PWWP2A: variants seen among roughly 807,000 people sequenced by gnomAD.
The protein encoded by PWWP2A is PWWP domain-containing protein 2A.
PWWP2A carries 18 observed loss-of-function variants against 48.5 expected under a neutral mutation model. That is an observed-to-expected ratio of 0.37 (90% CI 0.26 to 0.55). The LOEUF is 0.55. Ranked by LOEUF, PWWP2A falls within the 20% of genes least tolerant of loss-of-function variation. The pLI, the probability that PWWP2A is intolerant of heterozygous loss-of-function variation, is 0.81. For synonymous variants in PWWP2A, 396 were observed against 387.7 expected (o/e 1.02, Z -0.25); for missense variants, 867 against 976.4 (o/e 0.89, Z 1.49).
chr5:160,065,052 A>G, intron 4 of PWWP2A: 1 of 1,610,044 alleles, frequency 6.2e-7, no homozygotes, highest in Non-Finnish European at 8.5e-7. Context: ...CAAAATCCAA[A>G]TAATAACAGA....
In PWWP2A at chr5:160,091,366, CT is replaced by C. The variant is rs1330045622; in HGVS notation, c.*1015del. On this transcript the variant is annotated 3_prime_UTR_variant, in exon 2 of 2. Transcript: ENST00000307063. ...TGGATTTAGTTGATTTTATTTACAG[CT>C]TTTTTTTGGTTTTTTTTTTTTTTTT... is the stretch of plus-strand genomic sequence containing the variant. 1.3e-5 allele frequency: 12 copies of C among 948,234 alleles called. No individual in the cohort carries two copies. The highest frequency in any genetic ancestry group is 1.2e-5 in the Non-Finnish European group (10 of 802,322). 58.7% of individuals were successfully genotyped at this position (948,234 alleles called of 1,614,324 possible).
intron 2 of PWWP2A, among the ~76,000 whole-genome samples, chr5:160,070,645 T>A (rs1358351274): frequency 1.3e-5 from 2 of 152,176 alleles, no homozygotes; most frequent in Non-Finnish European, 2.9e-5. Context: ...AAGGAGACAG[T>A]GTTATACCAT....
At position 160,118,864 on chromosome 5, in the gene PWWP2A, G is replaced by A; in HGVS notation, c.525C>T (p.Val175=). ...TLDHIIEDAL[V]VSFRFGEKLF... is the part of the protein sequence containing the mutation. ...GCTTCTCCCCGAAGCGGAACGACACGACAAGCGCGTCCTCAATGATGTGGT... is the reference window on the plus strand; with the variant it reads ...GCTTCTCCCCGAAGCGGAACGACACAACAAGCGCGTCCTCAATGATGTGGT... The change falls in exon 1 of 2, where the codon GTC becomes GTT. Residue 175 remains valine (V), a synonymous_variant. Transcript: ENST00000307063. The A allele has an allele frequency of 6.3e-7, 1 of 1,594,236 alleles. No individual in the cohort carries two copies. Among genetic ancestry groups the A allele is most frequent in the East Asian group, 2.3e-5 (1 of 42,600 alleles).
exon 4 of PWWP2A, chr5:160,076,963 G>A (rs1381060417): frequency 1.3e-5 from 2 of 151,910 alleles, no homozygotes; most frequent in Non-Finnish European, 2.9e-5. Flanking sequence ...TAAAAGTACG[G>A]CACCATCAAA....
the PWWP2A span, among the ~76,000 whole-genome samples, chr5:160,056,108 C>G: frequency 2.0e-5 from 3 of 152,248 alleles, no homozygotes; most frequent in African/African-American, 7.2e-5. Flanking sequence ...CTGCCAGGTG[C>G]CTATCCCTAC....
downstream of PWWP2A, chr5:160,090,335 G>C (rs1754963652): frequency 2.0e-6 from 2 of 984,130 alleles, no homozygotes; most frequent in Admixed American, 6.2e-5. Context: ...TACATATTTT[G>C]ATGACTTTTA....
At chr5:160,073,614 C>A (rs1753796742), downstream of PWWP2A, among the ~76,000 whole-genome samples, 1 of 152,122 alleles carries the variant, frequency 6.6e-6, no homozygotes, top group Admixed American at 6.6e-5. Flanking sequence ...AATGAAAGGG[C>A]TAACCCTGAA....
intron 1 of PWWP2A, among the ~76,000 whole-genome samples, chr5:160,097,751 T>C (rs376720921): frequency 7.1e-6 from 1 of 140,948 alleles, no homozygotes; most frequent in African/African-American, 2.6e-5. Context: ...AGACTCTCAC[T>C]GTCGCCCAGG....
chr5:160,065,020 C>T (rs1005900533), intron 4 of PWWP2A: 5 of 1,613,560 alleles, frequency 3.1e-6, no homozygotes, highest in Non-Finnish European at 4.2e-6. Flanking sequence ...CCTCTACCGG[C>T]TCGTACTCCA....
chr5:160,051,227 C>T, the PWWP2A span: 3 of 1,534,540 alleles, frequency 2.0e-6, no homozygotes, highest in East Asian at 6.7e-5. Context: ...CAGCTAGGAA[C>T]CTAGGGTGGG....
At chr5:160,051,571 A>G in the PWWP2A span, among the ~76,000 whole-genome samples, 1 of 152,236 alleles carries the variant, frequency 6.6e-6, no homozygotes, top group Admixed American at 6.5e-5. Flanking sequence ...GATGCAGTCA[A>G]GATCATGAGA....
chr5:160,066,724 T>C (rs1387770253), intron 3 of PWWP2A: 1 of 152,120 alleles, frequency 6.6e-6, no homozygotes, highest in African/African-American at 2.4e-5. Flanking sequence ...AAATAACATG[T>C]TTCCTGTTAC....
At chr5:160,057,462 G>A (rs1190013628), downstream of PWWP2A, among the ~76,000 whole-genome samples, 2 of 151,862 alleles carry the variant, frequency 1.3e-5, no homozygotes, top group Non-Finnish European at 2.9e-5. The surrounding 1 kb of genome is among the most constrained non-coding windows in gnomAD (Gnocchi z 4.4). Context: ...AAATGCTGAC[G>A]ATGAGCCCAG....
chr5:160,075,805 T>TAAAAAAAAAAAAAAAAAAAAAAAAAAA (rs58558222), downstream of PWWP2A: 1 of 69,840 alleles, frequency 1.4e-5, no homozygotes, highest in African/African-American at 5.7e-5. Flanking sequence ...ATTCTAATAG[T>TAAAAAAAAAAAAAAAAAAAAAAAAAAA]AAAAAAAAAA....
At chr5:160,088,815 A>C (rs1021293252), downstream of PWWP2A, among the ~76,000 whole-genome samples, 4 of 152,208 alleles carry the variant, frequency 2.6e-5, no homozygotes, top group African/African-American at 7.2e-5. Flanking sequence ...GGGAAAACCT[A>C]ATTTTAGATA....
chr5:160,055,604 T>C, the PWWP2A span, among the ~76,000 whole-genome samples: 8 of 152,358 alleles, frequency 5.3e-5, no homozygotes, highest in African/African-American at 1.9e-4. Context: ...CCAGACCTAC[T>C]GAATCAGAGA....
Position 160,065,219 on chromosome 5 carries a change from T to C in PWWP2A, c.*236+1329A>G, listed in dbSNP as rs988540316. The C allele has an allele frequency of 7.7e-6, 8 of 1,043,544 alleles. No homozygotes were observed. The South Asian group carries it at 9.7e-5, about 13-fold the overall frequency. The allele number at this position is 1,043,544 out of a possible 1,614,324, so 64.6% of individuals were successfully genotyped here. ...CCAGTGCTCCCTTGTCCCTCTTTTA[T>C]GATCAGGGTGAAATGTACTTCCTGA... is the stretch of plus-strand genomic sequence containing the variant. On this transcript the variant is annotated intron_variant and NMD_transcript_variant, in intron 4 of 5. Coordinates refer to the PWWP2A transcript ENST00000524050.
chr5:160,114,530 A>C (rs1757906696), intron 1 of PWWP2A, among the ~76,000 whole-genome samples: 1 of 152,016 alleles, frequency 6.6e-6, no homozygotes, highest in African/African-American at 2.4e-5. Flanking sequence ...TCAGAGGCCA[A>C]GGCGGGCGGA....
downstream of PWWP2A, among the ~76,000 whole-genome samples, chr5:160,075,396 C>G (rs1753844416): frequency 6.6e-6 from 1 of 152,100 alleles, no homozygotes; most frequent in Non-Finnish European, 1.5e-5. Context: ...CTGGGTCAGT[C>G]CTGTGAACTG....
Sources: allele counts gnomAD v4.1 joint callset (sites outside exome capture counted in the v4.1 genomes callset), GRCh38; gene constraint gnomAD v4.1.1; non-coding constraint Gnocchi (gnomAD v3.1); transcripts MANE v1.5; gene names NCBI Gene and HGNC (gene_info 2026-07-23, HGNC 2026-07-21).